DEAF1: variants seen among roughly 807,000 people sequenced by gnomAD.
The protein encoded by DEAF1 is deformed epidermal autoregulatory factor 1 homolog.
Under a neutral mutation model 58.9 loss-of-function variants are expected in DEAF1, and 53 were observed. The observed-to-expected ratio is 0.90, with a 90% CI of 0.72 to 1.13. The LOEUF (loss-of-function observed/expected upper bound fraction) is 1.13. Among genes scored for constraint, DEAF1 ranks in the 50% most tolerant of loss-of-function variants. The probability of loss-of-function intolerance (pLI) is 0.00; values close to 1 mark genes in which losing one functional copy is unlikely to be tolerated. For synonymous variants in DEAF1, 385 were observed against 340.4 expected (o/e 1.13, Z -1.44); for missense variants, 685 against 791.4 (o/e 0.87, Z 1.61).
At chr11:682,003 TCTC>T (rs1455759851) in intron 6 of DEAF1, among the ~76,000 whole-genome samples, 1 of 152,212 alleles carries the variant, frequency 6.6e-6, no homozygotes, top group African/African-American at 2.4e-5. Context: ...GGAAAGCAGT[TCTC>T]CTTTCTCTGG....
chr11:652,302 C>A (rs189010116), intron 11 of DEAF1, among the ~76,000 whole-genome samples: 1 of 152,164 alleles, frequency 6.6e-6, no homozygotes, highest in Admixed American at 6.6e-5. Context: ...AAAAATCACA[C>A]GGCAAATATT....
Position 691,636 on chromosome 11 carries a change from G to A in DEAF1, c.290-38C>T, listed in dbSNP as rs11246268. 697,901 of 1,592,748 alleles carry A rather than the reference G, an allele frequency of 0.44. 156,661 individuals carry two copies. The highest frequency in any genetic ancestry group is 0.57 in the East Asian group (25,536 of 44,704). The stretch of plus-strand genomic sequence containing the variant: ...GAGCCTCATTTAACAAGCAACAAAA[G>A]CCAGAATGGACAAAGCGAACAGCCT... On this transcript the variant is annotated intron_variant, in intron 1 of 11. Coordinates refer to ENST00000382409, the MANE Select transcript of DEAF1 (RefSeq NM_021008.4).
chr11:704,163 C>T lies in DEAF1; in HGVS notation c.-438+2409G>A, dbSNP rs1049897317. The T allele has an allele frequency of 3.6e-6, 4 of 1,096,294 alleles. No homozygotes were observed. In the African/African-American group the frequency reaches 4.9e-5, roughly 13 times the overall value. 67.9% of individuals were successfully genotyped at this position (1,096,294 alleles called of 1,614,324 possible). A position where few individuals can be genotyped will look rare whatever the true frequency, so the allele number is the denominator to read the frequency against. Reference sequence around the variant, plus strand: ...ATTATGGCCACCTCCCCCACCCCATCTCCAGTTCTCCTGCCCTGCAAGAGA... The same window carrying T: ...ATTATGGCCACCTCCCCCACCCCATTTCCAGTTCTCCTGCCCTGCAAGAGA... On this transcript the variant is annotated intron_variant, in intron 1 of 11. Transcript: ENST00000683307.
chr11:685,990 CA>C (rs1860577214), intron 5 of DEAF1, among the ~76,000 whole-genome samples: 1 of 136,588 alleles, frequency 7.3e-6, no homozygotes, highest in African/African-American at 2.8e-5. Context: ...TTAAAAAATA[CA>C]AAAAAAATAG....
intron 6 of DEAF1, 62 bp from the exon 7 acceptor site, chr11:681,151 ACTC>A (rs1232356514): frequency 1.2e-6 from 2 of 1,610,248 alleles, no homozygotes; most frequent in African/African-American, 2.7e-5. Flanking sequence ...TGCGCTTGCA[ACTC>A]CTCCTTAAGT....
At position 694,965 on chromosome 11, in the gene DEAF1, G is replaced by GCCA; in HGVS notation, c.82_83insTGG (p.Ala27_Ala28insVal). 1 of 1,140,850 alleles carries GCCA rather than the reference G, an allele frequency of 8.8e-7. No individual in the cohort carries two copies. The highest frequency in any genetic ancestry group is 1.1e-6 in the Non-Finnish European group (1 of 930,380). 70.7% of individuals were successfully genotyped at this position (1,140,850 alleles called of 1,614,324 possible). A position where few individuals can be genotyped will look rare whatever the true frequency, so the allele number is the denominator to read the frequency against. ...CTCGCCTCCTGCCGCGGCCGCGGCC[G>GCCA]CCGCCGCCACAGCGGCCGCGGCCGC... On this transcript the variant is annotated inframe_insertion, in exon 1 of 12. Transcript: ENST00000382409.
chr11:654,514 C>T (rs1416753932), intron 10 of DEAF1: 1 of 455,246 alleles, frequency 2.2e-6, no homozygotes, highest in Non-Finnish European at 4.4e-6. Flanking sequence ...TCAGAACGTT[C>T]TTGTCACCTC....
upstream of DEAF1, among the ~76,000 whole-genome samples, chr11:696,805 C>G (rs1276124492): frequency 1.4e-4 from 1 of 7,300 alleles, no homozygotes; most frequent in Non-Finnish European, 4.7e-4. Flanking sequence ...GAAGGCCAGG[C>G]GCAGTAGCTC....
chr11:694,628 G>A lies in DEAF1; in HGVS notation c.289+131C>T, dbSNP rs1400192193. On this transcript the variant is annotated intron_variant, in intron 1 of 11. Transcript: ENST00000382409. ...GGCAGGTGTGCAGGGCGGGTGGAGC[G>A]GGCTGGTCACGTGGAGCAGGTGTGA... 5 of 874,614 alleles carry A rather than the reference G, an allele frequency of 5.7e-6. 1 individual carries two copies. The highest frequency in any genetic ancestry group is 3.6e-5 in the African/African-American group (2 of 55,732). The allele number at this position is 874,614 out of a possible 1,614,324, so 54.2% of individuals were successfully genotyped here.
In DEAF1 at chr11:703,424, CTG is replaced by C. The variant is rs1564964308; in HGVS notation, c.-438+3146_-438+3147del. On this transcript the variant is annotated intron_variant, in intron 1 of 11. Transcript: ENST00000683307. Reference sequence around the variant, plus strand: ...GAGTCCCAGGAGCGCACACTCAGCCCTGTCAGTGGGGTCTGGCTTTAGCAGCC... The same window carrying C: ...GAGTCCCAGGAGCGCACACTCAGCCCTCAGTGGGGTCTGGCTTTAGCAGCC... The C allele has an allele frequency of 1.2e-5, 16 of 1,307,648 alleles. No homozygotes were observed. The South Asian group carries it at 4.1e-4, about 33-fold the overall frequency. The allele number at this position is 1,307,648 out of a possible 1,614,324, so 81.0% of individuals were successfully genotyped here. A position where few individuals can be genotyped will look rare whatever the true frequency, so the allele number is the denominator to read the frequency against.
chr11:646,854 A>G (rs1011780809), intron 11 of DEAF1, among the ~76,000 whole-genome samples: 1 of 152,244 alleles, frequency 6.6e-6, no homozygotes, highest in Non-Finnish European at 1.5e-5. Flanking sequence ...GCTAACAATG[A>G]AAGTGCCTGA....
chr11:661,314 G>A (rs1219655303), intron 10 of DEAF1, among the ~76,000 whole-genome samples: 1 of 152,132 alleles, frequency 6.6e-6, no homozygotes, highest in Non-Finnish European at 1.5e-5. Flanking sequence ...TCTCTGCAGA[G>A]CTCATTACAT....
At chr11:700,131 C>A (rs1184589271), upstream of DEAF1, 1 of 1,612,928 alleles carries the variant, frequency 6.2e-7, no homozygotes, top group African/African-American at 1.3e-5. Flanking sequence ...GGATCCTTAA[C>A]CACTCACCAG....
At chr11:707,011 G>T (rs1295734278) in exon 1 of DEAF1, among the ~76,000 whole-genome samples, 1 of 151,974 alleles carries the variant, frequency 6.6e-6, no homozygotes, top group African/African-American at 2.4e-5. Context: ...GGCAGGGGAG[G>T]GGGAGGCAGG....
chr11:671,905 T>C (rs562514458), intron 10 of DEAF1, among the ~76,000 whole-genome samples: 105 of 145,292 alleles, frequency 7.2e-4, no homozygotes, highest in Admixed American at 1.1e-3. Flanking sequence ...ATTAAGAATC[T>C]AAAAAGCTCT....
At chr11:662,426 A>G (rs1322987700) in intron 10 of DEAF1, among the ~76,000 whole-genome samples, 1 of 152,146 alleles carries the variant, frequency 6.6e-6, no homozygotes, top group African/African-American at 2.4e-5. Context: ...GGGAACAGAA[A>G]CTCATTTTCA....
rs368901164 is a variant in DEAF1 at position 679,753 on chromosome 11, G to A, written c.1061C>T (p.Thr354Met). The change falls in exon 8 of 12, where the codon ACG becomes ATG. Residue 354 changes from threonine to methionine, a missense_variant. Physicochemically the swap from Thr to Met is moderately conservative, Grantham distance 81 (BLOSUM62 -1). Transcript: ENST00000382409. ...TGATATGACAGCAGTGGCCTCTACC[G>A]TGGACGCTCGGTCAAAGGTCAGTGC... The part of the protein sequence containing the change: ...SGALTFDRAS[T>M]VEATAVISES... The A allele has an allele frequency of 4.3e-6, 7 of 1,613,838 alleles. No homozygotes were observed. The highest frequency in any genetic ancestry group is 1.1e-5 in the South Asian group (1 of 91,084).
At chr11:659,290 G>A (rs961061487) in intron 10 of DEAF1, among the ~76,000 whole-genome samples, 1 of 152,112 alleles carries the variant, frequency 6.6e-6, no homozygotes, top group African/African-American at 2.4e-5. Flanking sequence ...CTACCAGAGA[G>A]GCTGAGGTGG....
At position 695,008 on chromosome 11, in the gene DEAF1, C is replaced by A; in HGVS notation, c.40G>T (p.Ala14Ser). The A allele has an allele frequency of 7.5e-7, 1 of 1,335,628 alleles. No individual in the cohort carries two copies. The highest frequency in any genetic ancestry group is 3.1e-5 in the Admixed American group (1 of 32,288). 82.7% of individuals were successfully genotyped at this position (1,335,628 alleles called of 1,614,324 possible). The change falls in exon 1 of 12, where the codon GCT becomes TCT. Residue 14 changes from alanine (A) to serine (S), a missense_variant. Around this residue, in one of 3 missense-constraint regions of DEAF1, gnomAD observed 210 missense variants for 177.3 expected, o/e 1.18. Coordinates refer to ENST00000382409, the MANE Select transcript of DEAF1 (RefSeq NM_021008.4). ...GCGGCCGCCACCGCCGCCGCCTCAGCCAGGCCCAGCTGCTTTGCCGCCGAG... is the reference window on the plus strand; with the variant it reads ...GCGGCCGCCACCGCCGCCGCCTCAGACAGGCCCAGCTGCTTTGCCGCCGAG... The part of the protein sequence containing the change: ...SDSAAKQLGL[A>S]EAAAVAAAAA...
Sources: allele counts gnomAD v4.1 joint callset (sites outside exome capture counted in the v4.1 genomes callset), GRCh38; gene constraint gnomAD v4.1.1; regional missense constraint gnomAD v4.1.1; transcripts MANE v1.5; gene names NCBI Gene and HGNC (gene_info 2026-07-23, HGNC 2026-07-21).